HTR5A: variants seen among roughly 807,000 people sequenced by gnomAD.
HTR5A encodes 5-hydroxytryptamine receptor 5A.
In HTR5A, 21 loss-of-function variants were observed where a neutral mutation model predicts 24.3. The ratio of observed to expected loss-of-function variants is 0.86; its 90% CI spans 0.61 to 1.24. HTR5A has a LOEUF of 1.24. Among genes scored for constraint, HTR5A ranks in the 50% most tolerant of loss-of-function variants. HTR5A has a pLI of 0.00. For missense variants in HTR5A, 497 were observed against 489.5 expected (o/e 1.02, Z -0.15); for synonymous variants, 260 against 213.7 (o/e 1.22, Z -1.89).
intron 1 of HTR5A, among the ~76,000 whole-genome samples, chr7:155,081,150 T>C (rs1386583322): frequency 6.6e-6 from 1 of 152,192 alleles, no homozygotes; most frequent in African/African-American, 2.4e-5. Flanking sequence ...TTAAACATTT[T>C]TATTGTTCCA....
At chr7:155,073,901 A>ATGTATATATATACG (rs372446793) in intron 1 of HTR5A, among the ~76,000 whole-genome samples, 1 of 128,708 alleles carries the variant, frequency 7.8e-6, no homozygotes, top group African/African-American at 3.1e-5. Flanking sequence ...ATATATATAT[A>ATGTATATATATACG]TATATATATA....
intron 1 of HTR5A, among the ~76,000 whole-genome samples, chr7:155,081,356 T>A (rs1795416142): frequency 6.6e-6 from 1 of 152,196 alleles, no homozygotes; most frequent in Non-Finnish European, 1.5e-5. Context: ...CATACCAGAT[T>A]TGTGATTAAC....
intron 1 of HTR5A, among the ~76,000 whole-genome samples, chr7:155,073,893 A>ATATATATATGTATATATATACG (rs1563419613): frequency 3.9e-4 from 4 of 10,328 alleles, no homozygotes; most frequent in African/African-American, 4.3e-4. Context: ...ATATATGTAT[A>ATATATATATGTATATATATACG]TATATATATA....
In HTR5A at chr7:155,084,763, C is replaced by A; in HGVS notation, c.*276C>A. ...TGCCCGCAAAGTGTCCTTTCCTCCC[C>A]AAATTCACTCTGGCATGGTGATCGA... is the stretch of plus-strand genomic sequence containing the variant. On this transcript the variant is annotated 3_prime_UTR_variant, in exon 2 of 2. Transcript: ENST00000287907. 1 of 392,636 alleles carries A rather than the reference C, an allele frequency of 2.5e-6. No individual in the cohort carries two copies. The highest frequency in any genetic ancestry group is 4.5e-6 in the Non-Finnish European group (1 of 221,918). 24.3% of individuals were successfully genotyped at this position (392,636 alleles called of 1,614,324 possible). A position where few individuals can be genotyped will look rare whatever the true frequency, so the allele number is the denominator to read the frequency against.
chr7:155,071,696 C>A lies in HTR5A; in HGVS notation c.741+56C>A, dbSNP rs1795297661. 3.2e-6 allele frequency: 5 copies of A among 1,541,976 alleles called. No homozygotes were observed. In the South Asian group the frequency reaches 4.7e-5, roughly 15 times the overall value. On this transcript the variant is annotated intron_variant, in intron 1 of 1. Coordinates refer to ENST00000287907, the MANE Select transcript of HTR5A (RefSeq NM_024012.4). ...CGACTTGCATCTGTACAGGCTATAT[C>A]CCCAGGCCACCTGCCCCACCCCCAC...
chr7:155,073,794 C>A (rs1224200335), intron 1 of HTR5A, among the ~76,000 whole-genome samples: 1 of 150,250 alleles, frequency 6.7e-6, no homozygotes, highest in African/African-American at 2.5e-5. Context: ...ATAGCAGAAG[C>A]AAAGCATTAT....
chr7:155,071,918 C>A (rs890230529), intron 1 of HTR5A, among the ~76,000 whole-genome samples: 2 of 152,108 alleles, frequency 1.3e-5, no homozygotes, highest in Non-Finnish European at 2.9e-5. Flanking sequence ...TGCAGGGTCC[C>A]CTTTGGCCCC....
intron 1 of HTR5A, among the ~76,000 whole-genome samples, chr7:155,079,462 G>C (rs189687909): frequency 4.3e-4 from 65 of 152,294 alleles, no homozygotes; most frequent in Middle Eastern, 3.4e-3. Context: ...CAAAATCTTT[G>C]AGACTATCTT....
At chr7:155,075,407 T>TA (rs1795349586) in intron 1 of HTR5A, among the ~76,000 whole-genome samples, 1 of 152,186 alleles carries the variant, frequency 6.6e-6, no homozygotes, top group Non-Finnish European at 1.5e-5. Flanking sequence ...CAGAAGCATG[T>TA]AAAGTTCCGA....
In HTR5A at chr7:155,071,017, G is replaced by C. The variant is rs774800359; in HGVS notation, c.118G>C (p.Gly40Arg). 6.2e-7 allele frequency: 1 copy of C among 1,611,600 alleles called. No homozygotes were observed. The highest frequency in any genetic ancestry group is 1.7e-5 in the Admixed American group (1 of 60,022). The part of the protein sequence containing the change: ...RPSSPLLSVF[G>R]VLILTLLGFL... ...CAGCTCGCCCCTGCTCTCGGTCTTCGGAGTGCTTATTCTCACCTTGCTGGG... is the reference window on the plus strand; with the variant it reads ...CAGCTCGCCCCTGCTCTCGGTCTTCCGAGTGCTTATTCTCACCTTGCTGGG... The change falls in exon 1 of 2, where the codon GGA (glycine) becomes CGA (arginine). Residue 40 changes from glycine to arginine, a missense_variant. Gly to Arg is a moderately radical substitution (Grantham distance 125). Coordinates refer to ENST00000287907, the MANE Select transcript of HTR5A (RefSeq NM_024012.4).
chr7:155,082,572 TA>T (rs1363016572), intron 1 of HTR5A, among the ~76,000 whole-genome samples: 1 of 152,220 alleles, frequency 6.6e-6, no homozygotes, highest in Non-Finnish European at 1.5e-5. Flanking sequence ...TTGTCACTCA[TA>T]AAAATGTGCC....
rs781360711 is a variant in HTR5A, at chr7:155,070,998, G to A, written c.99G>A (p.Ser33=). 1.4e-5 allele frequency: 23 copies of A among 1,611,696 alleles called. No individual in the cohort carries two copies. In the African/African-American group the frequency reaches 2.1e-4, roughly 15 times the overall value. ...SLGKDDLRPS[S]PLLSVFGVLI... ...GCAAAGACGACCTGCGCCCCAGCTC[G>A]CCCCTGCTCTCGGTCTTCGGAGTGC... Residue 33 remains serine (S), a synonymous_variant, in exon 1 of 2, where the codon TCG becomes TCA. Coordinates refer to ENST00000287907, the MANE Select transcript of HTR5A (RefSeq NM_024012.4).
intron 1 of HTR5A, among the ~76,000 whole-genome samples, chr7:155,082,944 T>C (rs1795434250): frequency 6.6e-6 from 1 of 152,244 alleles, no homozygotes; most frequent in Non-Finnish European, 1.5e-5. Context: ...TATCTTCTTT[T>C]AAATTTAATC....
At chr7:155,073,865 G>GTATATATATACGTA (rs1795326879) in intron 1 of HTR5A, among the ~76,000 whole-genome samples, 4 of 57,312 alleles carry the variant, frequency 7.0e-5, no homozygotes, top group African/African-American at 2.7e-4. Flanking sequence ...GTGTGTGTGT[G>GTATATATATACGTA]TATATATATA....
intron 1 of HTR5A, among the ~76,000 whole-genome samples, chr7:155,079,803 G>A (rs1795396568): frequency 6.6e-6 from 1 of 152,136 alleles, no homozygotes; most frequent in African/African-American, 2.4e-5. Context: ...TCAGGGTCCT[G>A]GACCAAACAG....
chr7:155,074,270 A>G (rs1795336881), intron 1 of HTR5A, among the ~76,000 whole-genome samples: 1 of 152,210 alleles, frequency 6.6e-6, no homozygotes, highest in Non-Finnish European at 1.5e-5. Flanking sequence ...CACAAGATAG[A>G]TAAGACTTGC....
Position 155,085,935 on chromosome 7 carries a change from C to A in HTR5A, c.*1448C>A, listed in dbSNP as rs1408900500. ...GAAATGTTAGACACCTGTGAAGTCA[C>A]AATTAATATGCTAAATGCAGATCTT... is the stretch of plus-strand genomic sequence containing the variant. On this transcript the variant is annotated 3_prime_UTR_variant, in exon 2 of 2. Transcript: ENST00000287907. 6.6e-6 allele frequency among the ~76,000 whole-genome samples: 1 copy of A among 152,144 alleles called. No homozygotes were observed. Among genetic ancestry groups the A allele is most frequent in the African/African-American group, 2.4e-5 (1 of 41,444 alleles).
rs1230944960 is a variant in HTR5A at position 155,084,299 on chromosome 7, C to A, written c.886C>A (p.Leu296Ile). The A allele has an allele frequency of 5.0e-6, 8 of 1,614,056 alleles. No homozygotes were observed. The highest frequency in any genetic ancestry group is 6.8e-6 in the Non-Finnish European group (8 of 1,180,042). The change falls in exon 2 of 2, where the codon CTC becomes ATC. Residue 296 changes from leucine to isoleucine, a missense_variant. Coordinates refer to ENST00000287907, the MANE Select transcript of HTR5A (RefSeq NM_024012.4). ...MVGILIGVFV[L>I]CWIPFFLTEL... is the part of the protein sequence containing the mutation. ...GGGCATCCTCATTGGCGTGTTCGTG[C>A]TCTGCTGGATCCCCTTCTTTCTCAC...
chr7:155,077,847 T>A (rs1795375148), intron 1 of HTR5A, among the ~76,000 whole-genome samples: 1 of 152,218 alleles, frequency 6.6e-6, no homozygotes, highest in Non-Finnish European at 1.5e-5. Context: ...TCAGACAACT[T>A]TAAAAATGTA....
Sources: gnomAD v4.1 joint callset for allele counts (sites outside exome capture counted in the v4.1 genomes callset) on GRCh38, gnomAD v4.1.1 for gene constraint, MANE v1.5 for transcripts, NCBI Gene and HGNC (gene_info 2026-07-23, HGNC 2026-07-21) for gene names.